Variants in MOV10L1 observed in about 807,000 individuals in gnomAD.
MOV10L1 encodes Mov10 like RNA helicase 1.
Under a neutral mutation model 143.8 loss-of-function variants are expected in MOV10L1, and 110 were observed. The ratio of observed to expected loss-of-function variants is 0.76; its 90% CI spans 0.66 to 0.90. The LOEUF (loss-of-function observed/expected upper bound fraction) is 0.90. Among genes scored for constraint, MOV10L1 ranks in the 40% least tolerant of loss-of-function variants. The pLI is 0.00. For missense variants in MOV10L1, 1,406 were observed against 1,526.8 expected (o/e 0.92, Z 1.32); for synonymous variants, 593 against 581.1 (o/e 1.02, Z -0.29).
chr22:50,143,257 T>C, intron 17 of MOV10L1, 36 bp downstream of exon 17: 1 of 1,602,384 alleles, frequency 6.2e-7, no homozygotes, highest in Non-Finnish European at 8.5e-7. Flanking sequence ...TGTGGCTCTG[T>C]GCTGCTGTTC....
chr22:50,101,748 G>GTGAT (rs2147062953), intron 3 of MOV10L1, among the ~76,000 whole-genome samples: 2 of 151,994 alleles, frequency 1.3e-5, no homozygotes, highest in African/African-American at 4.8e-5. Flanking sequence ...TTGACCTCAG[G>GTGAT]TGATTCACCC....
At chr22:50,157,544 C>T (rs1483465178) in intron 22 of MOV10L1, among the ~76,000 whole-genome samples, 2 of 152,048 alleles carry the variant, frequency 1.3e-5, no homozygotes, top group Non-Finnish European at 2.9e-5. Flanking sequence ...TCATCCTTTC[C>T]GTGTGGCTCT....
At position 50,120,721 on chromosome 22, in the gene MOV10L1, G is replaced by A. The variant is rs988874856; in HGVS notation, c.1569+105G>A. 23 of 810,402 alleles carry A rather than the reference G, an allele frequency of 2.8e-5. No individual in the cohort carries two copies. The African/African-American group carries it at 4.0e-4, about 14-fold the overall frequency. 50.2% of individuals were successfully genotyped at this position (810,402 alleles called of 1,614,324 possible). On this transcript the variant is annotated intron_variant, in intron 10 of 26. Transcript: ENST00000262794. ...TCAGGTTCAGACCTTCATCTGGCTTGTTTTCTTCACAGGTAGCTGGGATAA... is the reference window on the plus strand; with the variant it reads ...TCAGGTTCAGACCTTCATCTGGCTTATTTTCTTCACAGGTAGCTGGGATAA...
intron 9 of MOV10L1, 141 bp downstream of exon 9, chr22:50,117,492 A>G (rs1428810921): frequency 5.8e-6 from 5 of 856,910 alleles, no homozygotes; most frequent in South Asian, 5.6e-5. Context: ...GCCTCTTTCC[A>G]TGATTGTATT....
At chr22:50,146,287 A>T (rs1469775986) in intron 19 of MOV10L1, among the ~76,000 whole-genome samples, 1 of 151,972 alleles carries the variant, frequency 6.6e-6, no homozygotes, top group Non-Finnish European at 1.5e-5. Flanking sequence ...GGGCTCTGTA[A>T]GGTCAGACCC....
chr22:50,121,471 T>C (rs1016156146), intron 10 of MOV10L1, among the ~76,000 whole-genome samples: 1 of 143,600 alleles, frequency 7.0e-6, no homozygotes, highest in African/African-American at 3.0e-5. Flanking sequence ...CCCAAACTTA[T>C]GTTCCCCAAT....
intron 15 of MOV10L1, among the ~76,000 whole-genome samples, chr22:50,138,971 G>C (rs1027073018): frequency 1.3e-5 from 2 of 151,582 alleles, no homozygotes; most frequent in Non-Finnish European, 2.9e-5. Context: ...CATAGTGCTG[G>C]GATTACAGGC....
chr22:50,115,865 C>T (rs564661029), intron 8 of MOV10L1, among the ~76,000 whole-genome samples: 1 of 152,352 alleles, frequency 6.6e-6, no homozygotes, highest in African/African-American at 2.4e-5. Flanking sequence ...GTCACCTGGG[C>T]ATTTGGCCAA....
intron 16 of MOV10L1, among the ~76,000 whole-genome samples, chr22:50,142,665 TA>T (rs547890389): frequency 2.2e-3 from 307 of 140,442 alleles, no homozygotes; most frequent in Middle Eastern, 3.6e-3. Context: ...CTTGTCTCTA[TA>T]AAAAAAAAAA....
At chr22:50,137,707 A>G (rs1270925976) in intron 15 of MOV10L1, among the ~76,000 whole-genome samples, 3 of 149,600 alleles carry the variant, frequency 2.0e-5, no homozygotes, top group African/African-American at 7.3e-5. Flanking sequence ...TCTGTCTCAA[A>G]AAATACATAT....
intron 10 of MOV10L1, among the ~76,000 whole-genome samples, chr22:50,124,712 G>T (rs1015002699): frequency 2.6e-5 from 4 of 152,112 alleles, no homozygotes; most frequent in Non-Finnish European, 5.9e-5. Context: ...TGATGGTCCT[G>T]AGTGGGTCCC....
chr22:50,091,924 G>C (rs761747800), intron 1 of MOV10L1, 77 bp from the exon 2 acceptor site: 2 of 1,435,870 alleles, frequency 1.4e-6, no homozygotes, highest in Middle Eastern at 1.8e-4. Flanking sequence ...TTTGCACTCT[G>C]CCTTTCTCTG....
rs116001029 is a variant in MOV10L1 at position 50,129,384 on chromosome 22, T to C, written c.1910+877T>C. Among the ~76,000 whole-genome samples the C allele has an allele frequency of 3.3e-3, 497 of 152,354 alleles. 5 individuals are homozygous for C. Among genetic ancestry groups the C allele is most frequent in the African/African-American group, 0.011 (470 of 41,576 alleles). On this transcript the variant is annotated intron_variant, in intron 13 of 26. Coordinates refer to ENST00000262794, the MANE Select transcript of MOV10L1 (RefSeq NM_018995.3). ...CTTCAGTTTTAATTCTTTTGAACTT[T>C]AGAAAAGGAGTAACTTGCTGTATTT...
chr22:50,138,863 C>A (rs2062904689), intron 15 of MOV10L1, among the ~76,000 whole-genome samples: 1 of 152,046 alleles, frequency 6.6e-6, no homozygotes, highest in Admixed American at 6.6e-5. Context: ...GCCACCACAC[C>A]CTGCTAATTT....
At chr22:50,129,046 C>A (rs1161551032) in intron 13 of MOV10L1, among the ~76,000 whole-genome samples, 3 of 152,166 alleles carry the variant, frequency 2.0e-5, no homozygotes, top group African/African-American at 7.2e-5. Flanking sequence ...TAGGAGCCCC[C>A]ACCATGCCTG....
At chr22:50,115,668 G>A (rs1274401334) in intron 8 of MOV10L1, among the ~76,000 whole-genome samples, 1 of 152,180 alleles carries the variant, frequency 6.6e-6, no homozygotes, top group Non-Finnish European at 1.5e-5. Flanking sequence ...CTGTAACTTC[G>A]CACGACTCAT....
chr22:50,148,407 C>T (rs1266346115), intron 19 of MOV10L1, among the ~76,000 whole-genome samples: 1 of 152,228 alleles, frequency 6.6e-6, no homozygotes, highest in Admixed American at 6.5e-5. Flanking sequence ...GCTCTCCGCT[C>T]AGTCCCACAG....
chr22:50,139,669 C>CA, intron 15 of MOV10L1, among the ~76,000 whole-genome samples: 1 of 152,170 alleles, frequency 6.6e-6, no homozygotes, highest in East Asian at 1.9e-4. Flanking sequence ...AAGTACTCTA[C>CA]AAACTGCCTA....
chr22:50,142,188 G>C lies in MOV10L1; in HGVS notation c.2178G>C (p.Trp726Cys). ...CCTTTACTGCAGAGATGAGCGATTGGGGTATGTGCTCATGAGGGGCAAGGA... is the reference window on the plus strand; with the variant it reads ...CCTTTACTGCAGAGATGAGCGATTGCGGTATGTGCTCATGAGGGGCAAGGA... ...LAPFTAEMSD[W>C]VDEIQTPKAR... is the part of the protein sequence containing the mutation. Residue 726 changes from tryptophan to cysteine, a missense_variant and splice_region_variant, in exon 16 of 27, where the codon TGG becomes TGC. This residue lies in a region of MOV10L1 where 1,233 missense variants were observed against 1,351.4 expected (regional missense o/e 0.91). Transcript: ENST00000262794. 1 of 1,608,492 alleles carries C rather than the reference G, an allele frequency of 6.2e-7. No individual in the cohort carries two copies. The highest frequency in any genetic ancestry group is 8.5e-7 in the Non-Finnish European group (1 of 1,177,724).
Sources: gnomAD v4.1 joint callset for allele counts (sites outside exome capture counted in the v4.1 genomes callset) on GRCh38, gnomAD v4.1.1 for gene constraint, gnomAD v4.1.1 regional missense constraint, MANE v1.5 for transcripts, NCBI Gene and HGNC (gene_info 2026-07-23, HGNC 2026-07-21) for gene names.